Variants in ELF5 observed in about 807,000 individuals in gnomAD.
ELF5 encodes the protein ETS-related transcription factor Elf-5.
A neutral mutation model predicts 38.2 loss-of-function variants in ELF5; 31 were observed. The ratio of observed to expected loss-of-function variants is 0.81; its 90% CI spans 0.61 to 1.10. ELF5 has a LOEUF of 1.10. ELF5 is among the 50% of genes least tolerant of loss of function. The probability of loss-of-function intolerance (pLI) is 0.00; values close to 1 mark genes in which losing one functional copy is unlikely to be tolerated. For missense variants in ELF5, 300 were observed against 306.6 expected, an observed-to-expected ratio of 0.98 and a Z score of 0.16; for synonymous variants, 121 against 112.5, an observed-to-expected ratio of 1.08 and a Z score of -0.48.
Position 34,493,552 on chromosome 11 carries a change from C to T in ELF5, c.282G>A (p.Gln94=). ...GGCCAGCTGCCTCGACGAACTCCTC[C>T]TGTGTCATGCTGCACAGCTGCAGGC... ...ISGLQLCSMT[Q]EEFVEAAGLC... is the part of the protein sequence containing the mutation. Residue 94 remains glutamine, a synonymous_variant, in exon 3 of 7, where the codon CAG becomes CAA. Transcript: ENST00000257832. The T allele has an allele frequency of 6.2e-7, 1 of 1,614,226 alleles. No individual in the cohort carries two copies. The highest frequency in any genetic ancestry group is 8.5e-7 in the Non-Finnish European group (1 of 1,180,046).
At chr11:34,493,254 C>T in intron 3 of ELF5, 1 of 603,136 alleles carries the variant, frequency 1.7e-6, no homozygotes, top group Non-Finnish European at 2.9e-6. Flanking sequence ...GTTTTTCTTT[C>T]TCTTTTTTTA....
chr11:34,480,645 C>A, intron 6 of ELF5, 127 bp downstream of exon 6: 1 of 1,085,064 alleles, frequency 9.2e-7, no homozygotes, highest in South Asian at 1.6e-5. Flanking sequence ...AACTAAGAAC[C>A]AAAGTTTTGT....
chr11:34,506,054 T>C (rs940829282), intron 1 of ELF5, among the ~76,000 whole-genome samples: 2 of 152,160 alleles, frequency 1.3e-5, no homozygotes, highest in African/African-American at 4.8e-5. Flanking sequence ...TTATGCAATA[T>C]TGCCTCTTTA....
At chr11:34,511,452 C>T (rs1850754067) in intron 1 of ELF5, 1 of 1,540,974 alleles carries the variant, frequency 6.5e-7, no homozygotes, top group African/African-American at 1.4e-5. Context: ...ATTCTAGCTG[C>T]CTAGTAAGTA....
chr11:34,480,751 T>C (rs1424659244), intron 6 of ELF5, 21 bp downstream of exon 6: 1 of 1,609,352 alleles, frequency 6.2e-7, no homozygotes, highest in Admixed American at 1.7e-5. Flanking sequence ...AGGCTCATAG[T>C]ATTTTATGCT....
chr11:34,505,638 G>T lies in ELF5; in HGVS notation c.112C>A (p.His38Asn), dbSNP rs1235625065. 6.2e-7 allele frequency: 1 copy of T among 1,613,784 alleles called. No individual in the cohort carries two copies. The highest frequency in any genetic ancestry group is 1.1e-5 in the South Asian group (1 of 91,042). Residue 38 changes from histidine to asparagine, a missense_variant, in exon 2 of 7, where the codon CAT becomes AAT. His to Asn is a moderately conservative substitution (Grantham distance 68). Transcript: ENST00000257832. The stretch of plus-strand genomic sequence containing the variant: ...CTTCAAATGTACGCACCTGTCTGAT[G>T]CTCAAAGGCAGGGTAGTACTCTTCA... ...SNEEYYPAFEHQTACDSYWTS... is the reference protein window; with the variant it reads ...SNEEYYPAFENQTACDSYWTS...
At chr11:34,503,949 C>T (rs1850540697) in intron 2 of ELF5, among the ~76,000 whole-genome samples, 1 of 152,194 alleles carries the variant, frequency 6.6e-6, no homozygotes, top group South Asian at 2.1e-4. Context: ...GCCAGACTTC[C>T]CATTTGGGAC....
Position 34,480,125 on chromosome 11 carries a change from A to AG in ELF5, c.*92_*93insC. 1 of 1,045,710 alleles carries AG rather than the reference A, an allele frequency of 9.6e-7. No individual in the cohort carries two copies. Among genetic ancestry groups the AG allele is most frequent in the Non-Finnish European group, 1.4e-6 (1 of 701,718 alleles). 64.8% of individuals were successfully genotyped at this position (1,045,710 alleles called of 1,614,324 possible). A position where few individuals can be genotyped will look rare whatever the true frequency, so the allele number is the denominator to read the frequency against. Reference sequence around the variant, plus strand: ...TCAGCATGTTTGCAGGTTAAAAAAAAAGAGAAGAAAATGAAGCCTTTCGAA... The same window carrying AG: ...TCAGCATGTTTGCAGGTTAAAAAAAAGAGAGAAGAAAATGAAGCCTTTCGAA... On this transcript the variant is annotated 3_prime_UTR_variant, in exon 7 of 7. Coordinates refer to ENST00000257832, the MANE Select transcript of ELF5 (RefSeq NM_001422.4).
chr11:34,499,049 C>T (rs1219613667), intron 2 of ELF5, among the ~76,000 whole-genome samples: 2 of 151,886 alleles, frequency 1.3e-5, no homozygotes, highest in African/African-American at 4.8e-5. Context: ...CGAGGTGGCG[C>T]CATTGCACTC....
chr11:34,506,391 C>T (rs1377136445), intron 1 of ELF5, among the ~76,000 whole-genome samples: 1 of 152,204 alleles, frequency 6.6e-6, no homozygotes, highest in Non-Finnish European at 1.5e-5. Flanking sequence ...GGATACTATA[C>T]TCAGTACCTG....
At chr11:34,487,902 C>A (rs1850046751) in intron 4 of ELF5, among the ~76,000 whole-genome samples, 1 of 152,158 alleles carries the variant, frequency 6.6e-6, no homozygotes, top group Non-Finnish European at 1.5e-5. Flanking sequence ...ACTGGCCAAG[C>A]TAATGCTAGA....
intron 1 of ELF5, among the ~76,000 whole-genome samples, chr11:34,510,590 G>A (rs1850727415): frequency 6.6e-6 from 1 of 152,128 alleles, no homozygotes; most frequent in African/African-American, 2.4e-5. Context: ...TGAGGCCCAG[G>A]GATATGTGAA....
chr11:34,505,340 C>T (rs543082723), intron 2 of ELF5, among the ~76,000 whole-genome samples: 2 of 152,194 alleles, frequency 1.3e-5, no homozygotes, highest in Non-Finnish European at 2.9e-5. Flanking sequence ...ATCATAATAA[C>T]TCCAAGAGAC....
At chr11:34,492,797 C>T (rs933118584) in intron 3 of ELF5, 4 of 153,872 alleles carry the variant, frequency 2.6e-5, no homozygotes, top group African/African-American at 9.7e-5. Flanking sequence ...TTTCGGATCT[C>T]CAAGCCCTTG....
chr11:34,484,336 T>G (rs1388828489), intron 4 of ELF5, among the ~76,000 whole-genome samples: 1 of 151,708 alleles, frequency 6.6e-6, no homozygotes, highest in African/African-American at 2.4e-5. Context: ...TGTATTCTAC[T>G]GTACATACTG....
In ELF5 at chr11:34,479,575, C is replaced by T. The variant is rs919212115; in HGVS notation, c.*643G>A. 5.9e-5 allele frequency: 9 copies of T among 151,970 alleles called. No homozygotes were observed. Among genetic ancestry groups the T allele is most frequent in the African/African-American group, 1.7e-4 (7 of 41,346 alleles). The allele number at this position is 151,970 out of a possible 1,614,324, so 9.4% of individuals were successfully genotyped here. A position where few individuals can be genotyped will look rare whatever the true frequency, so the allele number is the denominator to read the frequency against. The stretch of plus-strand genomic sequence containing the variant: ...TCATTAATTAAGATACTTTTCTGCC[C>T]AGGTGCCGTGGCTCACGCTTGTAAT... On this transcript the variant is annotated 3_prime_UTR_variant, in exon 7 of 7. Coordinates refer to ENST00000257832, the MANE Select transcript of ELF5 (RefSeq NM_001422.4).
chr11:34,480,772 C>T lies in ELF5; in HGVS notation c.671G>A (p.Arg224Lys), dbSNP rs752615230. ...MTYEKLSRAL[R>K]YYYKTGILER... ...ATAGTATTTTATGCTATTAACTTAC[C>T]TCAGGGCTCTGCTCAACTTTTCATA... Residue 224 changes from arginine (R) to lysine (K), a missense_variant and splice_region_variant, in exon 6 of 7, where the codon AGA (arginine) becomes AAA (lysine). Physicochemically the swap from Arg to Lys is conservative, Grantham distance 26. Coordinates refer to ENST00000257832, the MANE Select transcript of ELF5 (RefSeq NM_001422.4). 1.2e-6 allele frequency: 2 copies of T among 1,613,752 alleles called. No individual in the cohort carries two copies. Among genetic ancestry groups the T allele is most frequent in the South Asian group, 1.1e-5 (1 of 91,048 alleles).
chr11:34,503,571 C>G (rs1392248549), intron 2 of ELF5, among the ~76,000 whole-genome samples: 1 of 152,120 alleles, frequency 6.6e-6, no homozygotes, highest in East Asian at 1.9e-4. Context: ...GCCTCAGCCT[C>G]CCAAGTAGCT....
chr11:34,485,141 A>T (rs991782954), intron 4 of ELF5, among the ~76,000 whole-genome samples: 3 of 152,066 alleles, frequency 2.0e-5, no homozygotes, highest in African/African-American at 7.2e-5. Flanking sequence ...CCTGGGTGAT[A>T]CTATTATGAT....
Sources: allele counts gnomAD v4.1 joint callset (sites outside exome capture counted in the v4.1 genomes callset), GRCh38; gene constraint gnomAD v4.1.1; transcripts MANE v1.5; gene names NCBI Gene and HGNC (gene_info 2026-07-23, HGNC 2026-07-21).